Variants in AP4E1 observed in about 807,000 individuals in gnomAD.
AP4E1 encodes AP-4 complex subunit epsilon-1.
In AP4E1, 56 loss-of-function variants were observed where a neutral mutation model predicts 128.2. That is an observed-to-expected ratio of 0.44 (90% confidence interval 0.35 to 0.55). AP4E1 has a LOEUF of 0.55. Among genes scored for constraint, AP4E1 ranks in the 20% least tolerant of loss-of-function variants. The pLI, the probability that AP4E1 is intolerant of heterozygous loss-of-function variation, is 0.00. For missense variants in AP4E1, 1,324 were observed against 1,307.7 expected, an observed-to-expected ratio of 1.01 and a Z score of -0.19; for synonymous variants, 484 against 473.1, an observed-to-expected ratio of 1.02 and a Z score of -0.30.
intron 16 of AP4E1, 81 bp downstream of exon 16, chr15:50,984,226 C>T (rs2064684809): frequency 6.7e-7 from 1 of 1,491,140 alleles, no homozygotes; most frequent in East Asian, 2.3e-5. Flanking sequence ...CTGCTCCTGC[C>T]TCATATCATC....
chr15:50,965,767 A>C (rs955464130), intron 14 of AP4E1, among the ~76,000 whole-genome samples: 1 of 152,072 alleles, frequency 6.6e-6, no homozygotes, highest in East Asian at 1.9e-4. Context: ...TTGTCAATCT[A>C]CTTGTTAAAG....
chr15:50,984,243 A>G, intron 16 of AP4E1, 98 bp downstream of exon 16: 1 of 1,401,994 alleles, frequency 7.1e-7, no homozygotes, highest in Non-Finnish European at 1.0e-6. Flanking sequence ...CATCATGGTC[A>G]TTATTTGCTT....
At chr15:50,962,348 A>G (rs944803538) in intron 14 of AP4E1, among the ~76,000 whole-genome samples, 9 of 152,120 alleles carry the variant, frequency 5.9e-5, no homozygotes, top group Non-Finnish European at 1.2e-4. Context: ...ACACTACCCA[A>G]TTTCAAAATA....
At chr15:50,926,086 TATTA>T (rs1477837752) in intron 5 of AP4E1, among the ~76,000 whole-genome samples, 1 of 152,128 alleles carries the variant, frequency 6.6e-6, no homozygotes, top group Non-Finnish European at 1.5e-5. Flanking sequence ...GTATTTGAAT[TATTA>T]ATATTTTGTT....
chr15:50,909,369 G>C (rs2063536109), intron 1 of AP4E1, among the ~76,000 whole-genome samples: 1 of 151,972 alleles, frequency 6.6e-6, no homozygotes, highest in African/African-American at 2.4e-5. Flanking sequence ...TCTCTCCCCC[G>C]GTGCCTTCAA....
At chr15:50,960,862 C>A (rs2064303540) in intron 14 of AP4E1, among the ~76,000 whole-genome samples, 1 of 148,608 alleles carries the variant, frequency 6.7e-6, no homozygotes, top group African/African-American at 2.5e-5. Context: ...GAACAATAAA[C>A]AAAATTGATA....
At chr15:50,931,029 C>A in intron 7 of AP4E1, 58 bp downstream of exon 7, 1 of 1,585,370 alleles carries the variant, frequency 6.3e-7, no homozygotes, top group South Asian at 1.1e-5. Context: ...TAAGCTTAGA[C>A]TTTAGTAACC....
intron 8 of AP4E1, among the ~76,000 whole-genome samples, chr15:50,936,802 C>T (rs1476218683): frequency 2.6e-5 from 4 of 151,996 alleles, no homozygotes; most frequent in African/African-American, 7.3e-5. Context: ...GGCATGGTGG[C>T]GTGTTCCTGT....
At chr15:50,920,075 TAAAAAAAAAA>T (rs759743982) in intron 3 of AP4E1, among the ~76,000 whole-genome samples, 2 of 88,178 alleles carry the variant, frequency 2.3e-5, no homozygotes, top group African/African-American at 8.8e-5. Flanking sequence ...ATAATATGTC[TAAAAAAAAAA>T]AAAAAAAAAA....
At chr15:50,979,973 G>A (rs2064618538) in intron 15 of AP4E1, among the ~76,000 whole-genome samples, 1 of 152,138 alleles carries the variant, frequency 6.6e-6, no homozygotes, top group African/African-American at 2.4e-5. Flanking sequence ...TAGAGCAGAA[G>A]AATTTAAAGA....
chr15:50,974,726 G>A (rs2064528944), intron 15 of AP4E1, among the ~76,000 whole-genome samples: 2 of 152,090 alleles, frequency 1.3e-5, no homozygotes, highest in African/African-American at 2.4e-5. Context: ...ACTGGTACAA[G>A]GTGATGCCTT....
At chr15:50,986,511 G>T (rs2140918646) in intron 16 of AP4E1, among the ~76,000 whole-genome samples, 1 of 151,956 alleles carries the variant, frequency 6.6e-6, no homozygotes, top group South Asian at 2.1e-4. Flanking sequence ...AGAGTTTTTA[G>T]CATGAAGCGC....
At position 50,958,522 on chromosome 15, in the gene AP4E1, A is replaced by T; in HGVS notation, c.1579A>T (p.Lys527Ter). The T allele has an allele frequency of 6.2e-7, 1 of 1,613,358 alleles. No individual in the cohort carries two copies. ...VLGEYSYLLDKETPEEVIAKL... is the reference protein window; with the variant it reads ...VLGEYSYLLD ...AGGGGAATATTCCTACCTCTTAGAT[A>T]AGGAAACGCCAGAGGAAGTTATAGC... is the stretch of plus-strand genomic sequence containing the variant. The change falls in exon 14 of 21, where the codon AAG (lysine) becomes TAG (stop). Residue 527 changes from lysine (K) to a stop codon, truncating the protein, a stop_gained. Coordinates refer to ENST00000261842, the MANE Select transcript of AP4E1 (RefSeq NM_007347.5). LOFTEE classifies it high-confidence loss of function.
intron 1 of AP4E1, among the ~76,000 whole-genome samples, chr15:50,909,498 G>T (rs72742385): frequency 0.027 from 4,158 of 152,296 alleles, 77 homozygotes; most frequent in Non-Finnish European, 0.041. Context: ...AAAAAGCACA[G>T]TTCTCTCAAA....
chr15:50,921,460 T>C (rs1037219009), intron 3 of AP4E1, among the ~76,000 whole-genome samples: 5 of 152,204 alleles, frequency 3.3e-5, no homozygotes, highest in South Asian at 2.1e-4. Flanking sequence ...ACGATTCTTA[T>C]GCCTCAGCCT....
Position 51,002,506 on chromosome 15 carries a change from T to C in AP4E1, c.3258T>C (p.Asn1086=). 1 of 1,614,168 alleles carries C rather than the reference T, an allele frequency of 6.2e-7. No homozygotes were observed. The highest frequency in any genetic ancestry group is 8.5e-7 in the Non-Finnish European group (1 of 1,179,994). Residue 1086 remains asparagine (N), a synonymous_variant, in exon 21 of 21, where the codon AAT becomes AAC. Coordinates refer to ENST00000261842, the MANE Select transcript of AP4E1 (RefSeq NM_007347.5). ...LRLHIIEIIG[N]EGLLACQLLP... The stretch of plus-strand genomic sequence containing the variant: ...TTCACTTTTGTTTTGTTTTAGGCAA[T>C]GAAGGGCTATTGGCCTGTCAGCTGC...
intron 14 of AP4E1, 84 bp downstream of exon 14, chr15:50,958,878 T>C (rs1296326731): frequency 2.9e-6 from 4 of 1,384,800 alleles, no homozygotes; most frequent in African/African-American, 2.8e-5. Flanking sequence ...ATCAGGAATA[T>C]ATCAAAATGT....
intron 10 of AP4E1, among the ~76,000 whole-genome samples, chr15:50,946,165 ACTAT>A (rs888861766): frequency 3.9e-5 from 6 of 152,228 alleles, no homozygotes; most frequent in African/African-American, 7.2e-5. Context: ...GTTGATAAAG[ACTAT>A]CTAACTATTT....
Position 50,925,196 on chromosome 15 carries a change from A to C in AP4E1, c.519A>C (p.Ile173=). 6.2e-7 allele frequency: 1 copy of C among 1,613,534 alleles called. No homozygotes were observed. Among genetic ancestry groups the C allele is most frequent in the Non-Finnish European group, 8.5e-7 (1 of 1,179,454 alleles). Reference sequence around the variant, plus strand: ...TGATTCCAGCTGTTCTTCCATTAATAGAAGATAAACTTCAACATTCTAAGT... The same window carrying C: ...TGATTCCAGCTGTTCTTCCATTAATCGAAGATAAACTTCAACATTCTAAGT... The part of the protein sequence containing the change: ...CEMIPAVLPL[I]EDKLQHSKEI... Residue 173 remains isoleucine (I), a synonymous_variant, in exon 5 of 21, where the codon ATA becomes ATC. Coordinates refer to ENST00000261842, the MANE Select transcript of AP4E1 (RefSeq NM_007347.5).
Sources: allele counts gnomAD v4.1 joint callset (sites outside exome capture counted in the v4.1 genomes callset), GRCh38; gene constraint gnomAD v4.1.1; transcripts MANE v1.5; gene names NCBI Gene and HGNC (gene_info 2026-07-23, HGNC 2026-07-21).